Variants in DAB1 observed in about 807,000 individuals in gnomAD.
DAB1 encodes disabled homolog 1.
In DAB1, 15 loss-of-function variants were observed where a neutral mutation model predicts 64.6. The ratio of observed to expected loss-of-function variants is 0.23; its 90% CI spans 0.16 to 0.36. DAB1 has a LOEUF of 0.36. DAB1 is among the 10% of genes least tolerant of loss of function. DAB1 has a pLI of 1.00. For missense variants in DAB1, 596 were observed against 706.7 expected, an observed-to-expected ratio of 0.84 and a Z score of 1.78; for synonymous variants, 235 against 251.9, an observed-to-expected ratio of 0.93 and a Z score of 0.64.
chr1:58,482,045 T>A (rs1645495134), intron 3 of DAB1, among the ~76,000 whole-genome samples: 1 of 152,152 alleles, frequency 6.6e-6, no homozygotes, highest in South Asian at 2.1e-4. Context: ...AATAAAACAT[T>A]GCAAAGGAAG....
chr1:58,027,712 A>G (rs1394505428), intron 5 of DAB1, among the ~76,000 whole-genome samples: 2 of 152,164 alleles, frequency 1.3e-5, no homozygotes, highest in Non-Finnish European at 2.9e-5. Context: ...GGCAACAACA[A>G]TAATAATTTC....
chr1:58,008,979 G>A (rs1423023802), intron 5 of DAB1, among the ~76,000 whole-genome samples: 1 of 152,114 alleles, frequency 6.6e-6, no homozygotes, highest in Non-Finnish European at 1.5e-5. Flanking sequence ...TAAGCATCAT[G>A]TGTCAATCAT....
intron 3 of DAB1, among the ~76,000 whole-genome samples, chr1:58,464,215 T>C (rs1344879859): frequency 6.6e-6 from 1 of 152,230 alleles, no homozygotes; most frequent in Admixed American, 6.5e-5. Flanking sequence ...ATACCAGCTA[T>C]ACCATGTGTA....
chr1:58,087,211 A>G (rs1301154302), intron 5 of DAB1, among the ~76,000 whole-genome samples: 1 of 152,234 alleles, frequency 6.6e-6, no homozygotes, highest in African/African-American at 2.4e-5. Context: ...AGCAGGTATC[A>G]GTACATAGCA....
intron 2 of DAB1, among the ~76,000 whole-genome samples, chr1:57,195,830 C>A (rs965205025): frequency 6.6e-6 from 1 of 152,216 alleles, no homozygotes; most frequent in Non-Finnish European, 1.5e-5. Flanking sequence ...ACCAACTTGA[C>A]AATTGGTGGC....
rs76376472 is a variant in DAB1 at position 57,291,170 on chromosome 1, C to A, written c.-136-4G>T. The A allele has an allele frequency of 0.021, 9,603 of 466,226 alleles. 136 individuals carry two copies. The highest frequency in any genetic ancestry group is 0.028 in the Middle Eastern group (65 of 2,334). The allele number at this position is 466,226 out of a possible 1,614,324, so 28.9% of individuals were successfully genotyped here. ...TTTCATTCACTCTTTTTGAGTGCTG[C>A]AAATCAAGGCAAGAGAACATTCAGA... On this transcript the variant is annotated splice_polypyrimidine_tract_variant and splice_region_variant and intron_variant, in intron 1 of 14. Coordinates refer to ENST00000371236, the MANE Select transcript of DAB1 (RefSeq NM_001365792.1).
At chr1:58,498,594 A>G (rs1016063280) in intron 3 of DAB1, among the ~76,000 whole-genome samples, 2 of 152,182 alleles carry the variant, frequency 1.3e-5, no homozygotes, top group Admixed American at 6.5e-5. Context: ...GATAATGCCT[A>G]TATGGCTACT....
At chr1:57,239,824 A>G (rs1668374113) in intron 2 of DAB1, among the ~76,000 whole-genome samples, 2 of 152,166 alleles carry the variant, frequency 1.3e-5, no homozygotes, top group Non-Finnish European at 2.9e-5. Flanking sequence ...GACTTTTACT[A>G]TCTGTCAGGT....
At chr1:58,499,325 A>G (rs1288775189) in intron 3 of DAB1, among the ~76,000 whole-genome samples, 1 of 150,962 alleles carries the variant, frequency 6.6e-6, no homozygotes, top group Non-Finnish European at 1.5e-5. Flanking sequence ...AAAAAAAAAA[A>G]AAAAAAAAAA....
At chr1:57,053,850 G>C (rs1433791758) in intron 9 of DAB1, among the ~76,000 whole-genome samples, 6 of 151,388 alleles carry the variant, frequency 4.0e-5, no homozygotes, top group Non-Finnish European at 8.8e-5. Flanking sequence ...ACCACACCTG[G>C]CTAATTTTTG....
At chr1:58,428,976 C>T (rs1029467162) in intron 3 of DAB1, among the ~76,000 whole-genome samples, 2 of 152,178 alleles carry the variant, frequency 1.3e-5, no homozygotes, top group Non-Finnish European at 2.9e-5. Context: ...GTAACAGAAA[C>T]GTTCAATCTT....
intron 1 of DAB1, chr1:57,880,646 ACAAGAGTCAT>A (rs1477966874): frequency 2.6e-5 from 4 of 152,180 alleles, no homozygotes; most frequent in Admixed American, 1.3e-4. Context: ...GAATCGAAAA[ACAAGAGTCAT>A]CAGTCTCTAA....
chr1:58,379,465 G>A (rs962851770), intron 3 of DAB1, among the ~76,000 whole-genome samples: 11 of 152,184 alleles, frequency 7.2e-5, no homozygotes, highest in Middle Eastern at 3.4e-3. Flanking sequence ...GGAAATATTC[G>A]CACTGGAAAC....
intron 2 of DAB1, 26 bp downstream of exon 2, chr1:57,290,938 T>C (rs894292280): frequency 1.8e-5 from 29 of 1,573,676 alleles, no homozygotes; most frequent in Middle Eastern, 1.7e-4. Flanking sequence ...AAGTAGCCAT[T>C]AAAAAAAGGT....
At chr1:58,123,570 G>A (rs995460136) in intron 5 of DAB1, among the ~76,000 whole-genome samples, 3 of 152,108 alleles carry the variant, frequency 2.0e-5, no homozygotes, top group Non-Finnish European at 2.9e-5. Context: ...AGGCAGCCTC[G>A]TAATTTACCT....
At chr1:57,209,150 T>G (rs932533419) in intron 2 of DAB1, among the ~76,000 whole-genome samples, 1 of 152,052 alleles carries the variant, frequency 6.6e-6, no homozygotes, top group African/African-American at 2.4e-5. Flanking sequence ...AAATAAGAAA[T>G]AGATGGAAGA....
At chr1:57,409,642 C>G (rs992886503) in intron 1 of DAB1, among the ~76,000 whole-genome samples, 1 of 152,124 alleles carries the variant, frequency 6.6e-6, no homozygotes, top group Non-Finnish European at 1.5e-5. Context: ...AACCCCATCT[C>G]TACTAAAAAT....
intron 3 of DAB1, among the ~76,000 whole-genome samples, chr1:58,393,120 C>CTTTTTTTTTT (rs34546253): frequency 1.7e-5 from 2 of 117,190 alleles, no homozygotes; most frequent in African/African-American, 3.5e-5. Flanking sequence ...ACTTCCAAAT[C>CTTTTTTTTTT]TTTTTTTTTT....
At chr1:57,942,018 A>G (rs75012290) in intron 5 of DAB1, among the ~76,000 whole-genome samples, 5,261 of 152,256 alleles carry the variant, frequency 0.035, 327 homozygotes, top group African/African-American at 0.12. Context: ...AAGTGTTTCA[A>G]TATTTTTTCT....
Sources: allele counts gnomAD v4.1 joint callset (sites outside exome capture counted in the v4.1 genomes callset), GRCh38; gene constraint gnomAD v4.1.1; transcripts MANE v1.5; gene names NCBI Gene and HGNC (gene_info 2026-07-23, HGNC 2026-07-21).